The following PLCXD3 variants were observed in gnomAD, a reference collection of about 807,000 sequenced individuals.
PLCXD3 encodes the protein PI-PLC X domain-containing protein 3.
Under a neutral mutation model 25.5 loss-of-function variants are expected in PLCXD3, and 19 were observed. The observed-to-expected ratio is 0.75, with a 90% CI of 0.52 to 1.09. PLCXD3 has a LOEUF of 1.09. PLCXD3 is among the 50% of genes least tolerant of loss of function. The pLI is 0.00. For synonymous variants in PLCXD3, 174 were observed against 137.6 expected, an observed-to-expected ratio of 1.26 and a Z score of -1.85; for missense variants, 411 against 388.1, an observed-to-expected ratio of 1.06 and a Z score of -0.50.
chr5:41,347,395 A>T (rs1358457454), intron 2 of PLCXD3, among the ~76,000 whole-genome samples: 1 of 152,190 alleles, frequency 6.6e-6, no homozygotes, highest in Non-Finnish European at 1.5e-5. Context: ...ATTAGATCAG[A>T]TTCATAGATC....
rs1169427600 is a variant in PLCXD3 at position 41,510,533 on chromosome 5, A to T, written c.-7T>A. ...TCCCCTGAGACGAGGCCATCGTGCC[A>T]GTCGGCGTGCAGCGCGCTGGTCCCA... On this transcript the variant is annotated 5_prime_UTR_variant, in exon 1 of 3. Transcript: ENST00000377801. 1 of 1,611,912 alleles carries T rather than the reference A, an allele frequency of 6.2e-7. No individual in the cohort carries two copies. The highest frequency in any genetic ancestry group is 8.5e-7 in the Non-Finnish European group (1 of 1,178,690).
chr5:41,334,250 A>ATAAT (rs1743916337), intron 2 of PLCXD3, among the ~76,000 whole-genome samples: 1 of 150,678 alleles, frequency 6.6e-6, no homozygotes. Flanking sequence ...ATTAGCAATG[A>ATAAT]TAATACTTTG....
chr5:41,496,816 T>C (rs954296073), intron 1 of PLCXD3, among the ~76,000 whole-genome samples: 1 of 151,598 alleles, frequency 6.6e-6, no homozygotes, highest in Non-Finnish European at 1.5e-5. Context: ...TATAATGATA[T>C]GTAAATCATT....
Position 41,490,678 on chromosome 5 carries a change from G to A in PLCXD3, c.103+19746C>T, listed in dbSNP as rs202182675. On this transcript the variant is annotated intron_variant, in intron 1 of 2. Transcript: ENST00000377801. ...TTAGTCTTGGGAGGGTGTATGTGTCGAGGAATTTATCCATTTCTTCTAGAT... is the reference window on the plus strand; with the variant it reads ...TTAGTCTTGGGAGGGTGTATGTGTCAAGGAATTTATCCATTTCTTCTAGAT... Among the ~76,000 whole-genome samples, 219 of 152,110 alleles carry A rather than the reference G, an allele frequency of 1.4e-3. 2 individuals carry two copies. In the East Asian group the frequency reaches 0.035, roughly 25 times the overall value.
chr5:41,387,315 T>C (rs1369406831), intron 1 of PLCXD3, among the ~76,000 whole-genome samples: 1 of 152,112 alleles, frequency 6.6e-6, no homozygotes, highest in Non-Finnish European at 1.5e-5. Flanking sequence ...GATTCTAGCA[T>C]GATCCTGAGC....
intron 1 of PLCXD3, among the ~76,000 whole-genome samples, chr5:41,390,949 T>C (rs2150495875): frequency 6.6e-6 from 1 of 152,264 alleles, no homozygotes; most frequent in African/African-American, 2.4e-5. Flanking sequence ...CTCCATGTTG[T>C]CCTGTTACAG....
intron 2 of PLCXD3, among the ~76,000 whole-genome samples, chr5:41,351,217 C>T (rs1280734727): frequency 1.3e-5 from 2 of 152,014 alleles, no homozygotes; most frequent in Non-Finnish European, 2.9e-5. Context: ...TATCCTAGCT[C>T]ACTAGGTCCC....
intron 1 of PLCXD3, among the ~76,000 whole-genome samples, chr5:41,398,476 A>G (rs1746077345): frequency 6.6e-6 from 1 of 152,154 alleles, no homozygotes; most frequent in Non-Finnish European, 1.5e-5. Flanking sequence ...TTTTCTTTAT[A>G]AGTTACCCAG....
At chr5:41,421,207 T>A (rs1041672257) in intron 1 of PLCXD3, among the ~76,000 whole-genome samples, 2 of 152,140 alleles carry the variant, frequency 1.3e-5, no homozygotes, top group African/African-American at 4.8e-5. Context: ...TCTCACTGAG[T>A]CATATTTCTG....
chr5:41,451,653 T>TA (rs1335561943), intron 1 of PLCXD3, among the ~76,000 whole-genome samples: 2 of 151,840 alleles, frequency 1.3e-5, no homozygotes, highest in Admixed American at 6.6e-5. Flanking sequence ...TTTTTTTTTT[T>TA]ATGTTGGATG....
chr5:41,502,511 A>G (rs1392392659), intron 1 of PLCXD3, among the ~76,000 whole-genome samples: 1 of 152,154 alleles, frequency 6.6e-6, no homozygotes, highest in Admixed American at 6.6e-5. Flanking sequence ...TGATGTAATC[A>G]GTACAGATGA....
intron 1 of PLCXD3, among the ~76,000 whole-genome samples, chr5:41,419,901 T>C (rs2150505726): frequency 6.6e-6 from 1 of 152,310 alleles, no homozygotes; most frequent in Non-Finnish European, 1.5e-5. Flanking sequence ...ATGATTATGA[T>C]TATTGTTAGA....
chr5:41,358,144 G>A (rs73075992), intron 2 of PLCXD3, among the ~76,000 whole-genome samples: 5 of 152,204 alleles, frequency 3.3e-5, no homozygotes, highest in South Asian at 2.1e-4. Flanking sequence ...TATGCTTCAC[G>A]GTAGTCTTGA....
intron 1 of PLCXD3, among the ~76,000 whole-genome samples, chr5:41,464,001 T>C (rs992243482): frequency 2.6e-5 from 4 of 152,020 alleles, no homozygotes; most frequent in Admixed American, 2.6e-4. Context: ...ACTAGACACT[T>C]TCTGTCAGTT....
At chr5:41,439,423 T>G (rs1467944625) in intron 1 of PLCXD3, among the ~76,000 whole-genome samples, 1 of 152,214 alleles carries the variant, frequency 6.6e-6, no homozygotes, top group Non-Finnish European at 1.5e-5. Flanking sequence ...CAATGAGATG[T>G]AAGCCAAAGT....
At chr5:41,477,876 A>G in intron 1 of PLCXD3, among the ~76,000 whole-genome samples, 1 of 152,188 alleles carries the variant, frequency 6.6e-6, no homozygotes, top group Admixed American at 6.6e-5. Context: ...TTCCTCCCTC[A>G]AATGATCCAG....
chr5:41,376,847 C>G (rs148035853), intron 2 of PLCXD3, among the ~76,000 whole-genome samples: 2 of 152,190 alleles, frequency 1.3e-5, no homozygotes, highest in East Asian at 1.9e-4. Context: ...AATGCAGAGC[C>G]GTACTCATAG....
rs183871294 is a variant in PLCXD3 at position 41,478,063 on chromosome 5, C to T, written c.103+32361G>A. Among the ~76,000 whole-genome samples the T allele has an allele frequency of 3.4e-3, 520 of 152,296 alleles. 1 individual carries two copies. Among genetic ancestry groups the T allele is most frequent in the African/African-American group, 0.011 (475 of 41,562 alleles). Reference sequence around the variant, plus strand: ...GACAAAGTATAGCAATGGCTAACTACTATTCCACCCTCATCTCATGATAGG... The same window carrying T: ...GACAAAGTATAGCAATGGCTAACTATTATTCCACCCTCATCTCATGATAGG... On this transcript the variant is annotated intron_variant, in intron 1 of 2. Coordinates refer to ENST00000377801, the MANE Select transcript of PLCXD3 (RefSeq NM_001005473.3).
At chr5:41,443,980 T>C (rs183480613) in intron 1 of PLCXD3, among the ~76,000 whole-genome samples, 39 of 152,326 alleles carry the variant, frequency 2.6e-4, no homozygotes, top group African/African-American at 9.4e-4. Flanking sequence ...ATAGTTAAAA[T>C]AGTATTCTTT....
Sources: gnomAD v4.1 joint callset for allele counts (sites outside exome capture counted in the v4.1 genomes callset) on GRCh38, gnomAD v4.1.1 for gene constraint, MANE v1.5 for transcripts, NCBI Gene and HGNC (gene_info 2026-07-23, HGNC 2026-07-21) for gene names.